Variants in KCNQ1 observed in about 807,000 individuals in gnomAD.
The protein encoded by KCNQ1 is potassium voltage-gated channel subfamily Q member 1, also known as potassium voltage-gated channel subfamily KQT member 1.
In KCNQ1, 49 loss-of-function variants were observed where a neutral mutation model predicts 72.4. The ratio of observed to expected loss-of-function variants is 0.68; its 90% CI spans 0.54 to 0.86. The LOEUF (loss-of-function observed/expected upper bound fraction) is 0.86, where lower values mean the gene tolerates loss of function less well. Ranked by LOEUF, KCNQ1 falls within the 40% of genes least tolerant of loss-of-function variation. The pLI, the probability that KCNQ1 is intolerant of heterozygous loss-of-function variation, is 0.00. For synonymous variants in KCNQ1, 450 were observed against 412.6 expected (o/e 1.09, Z -1.10); for missense variants, 790 against 945.1 (o/e 0.84, Z 2.15).
intron 2 of KCNQ1, among the ~76,000 whole-genome samples, chr11:2,552,768 C>G (rs1848002711): frequency 6.6e-6 from 1 of 152,088 alleles, no homozygotes; most frequent in Non-Finnish European, 1.5e-5. Flanking sequence ...TCTCGCTCCC[C>G]AGTGCCTCAT....
intron 15 of KCNQ1, among the ~76,000 whole-genome samples, chr11:2,791,574 G>C (rs1847023197): frequency 6.6e-6 from 1 of 152,200 alleles, no homozygotes; most frequent in African/African-American, 2.4e-5. Flanking sequence ...GTGCCGGCTG[G>C]GCTGGGAAAC....
intron 11 of KCNQ1, chr11:2,666,960 GCCCT>G (rs1398492143): frequency 5.0e-6 from 2 of 398,614 alleles, no homozygotes; most frequent in South Asian, 2.5e-4. Flanking sequence ...TGCCAAGGAA[GCCCT>G]CTGGGGGCCC....
At chr11:2,489,847 T>C (rs183156651) in intron 1 of KCNQ1, among the ~76,000 whole-genome samples, 233 of 152,310 alleles carry the variant, frequency 1.5e-3, no homozygotes, top group African/African-American at 4.7e-3. Flanking sequence ...TAAAGAGCCC[T>C]TGGACCCTGA....
At chr11:2,795,743 TC>T (rs1564896031) in intron 15 of KCNQ1, among the ~76,000 whole-genome samples, 1 of 152,232 alleles carries the variant, frequency 6.6e-6, no homozygotes, top group East Asian at 1.9e-4. Flanking sequence ...ACAATATTTT[TC>T]TGCTCCACAA....
chr11:2,453,676 CTG>C (rs1335035484), intron 1 of KCNQ1, among the ~76,000 whole-genome samples: 1 of 152,206 alleles, frequency 6.6e-6, no homozygotes, highest in Non-Finnish European at 1.5e-5. Context: ...AGGGTAGACT[CTG>C]TGAGGAAGGG....
In KCNQ1 at chr11:2,695,090, C is replaced by G. The variant is rs1479360959; in HGVS notation, c.1514+33009C>G. 1 of 398,508 alleles carries G rather than the reference C, an allele frequency of 2.5e-6. No individual in the cohort carries two copies. The highest frequency in any genetic ancestry group is 4.4e-6 in the Non-Finnish European group (1 of 226,100). The allele number at this position is 398,508 out of a possible 1,614,324, so 24.7% of individuals were successfully genotyped here. A position where few individuals can be genotyped will look rare whatever the true frequency, so the allele number is the denominator to read the frequency against. ...GAATTTTATTTCCTAGAAATAGAAGCCACTAGAGGGTATCTGGCAGGAGAG... is the reference window on the plus strand; with the variant it reads ...GAATTTTATTTCCTAGAAATAGAAGGCACTAGAGGGTATCTGGCAGGAGAG... On this transcript the variant is annotated intron_variant, in intron 11 of 15. Transcript: ENST00000155840. The surrounding 1 kb of genome is among the most constrained non-coding windows in gnomAD (Gnocchi z 5.2).
At chr11:2,684,988 G>T (rs1850459390) in intron 11 of KCNQ1, 1 of 398,540 alleles carries the variant, frequency 2.5e-6, no homozygotes, top group Admixed American at 4.4e-5. Flanking sequence ...TTACGGACTG[G>T]TTGCTTTTCA....
rs570009099 is a variant in KCNQ1 at position 2,623,670 on chromosome 11, T to G, written c.1393+34816T>G. ...ACTACAGTTTATCTGTCTACTCACC[T>G]ATGGAAGGACATCTCGGTTGCTTCC... On this transcript the variant is annotated intron_variant, in intron 10 of 15. Coordinates refer to ENST00000155840, the MANE Select transcript of KCNQ1 (RefSeq NM_000218.3). The surrounding 1 kb of genome is among the most constrained non-coding windows in gnomAD (Gnocchi z 5.2). The G allele has an allele frequency of 1.6e-4, 63 of 398,594 alleles. 1 individual carries two copies. The Admixed American group carries it at 2.0e-3, about 13-fold the overall frequency. 24.7% of individuals were successfully genotyped at this position (398,594 alleles called of 1,614,324 possible).
rs144985256 is a variant in KCNQ1 at position 2,588,793 on chromosome 11, G to A, written c.1332G>A (p.Thr444=). 171 of 1,613,310 alleles carry A rather than the reference G, an allele frequency of 1.1e-4. No individual in the cohort carries two copies. In the African/African-American group the frequency reaches 1.3e-3, roughly 12 times the overall value. ...GEKMLTVPHI[T]CDPPEERRLD... is the part of the protein sequence containing the mutation. ...AGATGCTCACAGTCCCCCATATCAC[G>A]TGCGACCCCCCAGAAGAGCGGCGGC... The change falls in exon 10 of 16, where the codon ACG becomes ACA. Residue 444 remains threonine (T), a synonymous_variant. Coordinates refer to ENST00000155840, the MANE Select transcript of KCNQ1 (RefSeq NM_000218.3). This position sits in a 1 kb window ranked among gnomAD's most constrained non-coding sequence, Gnocchi z 5.6.
chr11:2,813,755 C>T lies in KCNQ1; in HGVS notation c.1795-34012C>T, dbSNP rs991468579. Among the ~76,000 whole-genome samples the T allele has an allele frequency of 6.6e-6, 1 of 152,078 alleles. No homozygotes were observed. The highest frequency in any genetic ancestry group is 1.5e-5 in the Non-Finnish European group (1 of 68,022). ...GCAAGATACACAGGAGGCAGCTGCT[C>T]ACTGCTTGTGGAAAGAATGAGGGCG... On this transcript the variant is annotated intron_variant, in intron 15 of 15. Coordinates refer to ENST00000155840, the MANE Select transcript of KCNQ1 (RefSeq NM_000218.3). The surrounding 1 kb of genome is among the most constrained non-coding windows in gnomAD (Gnocchi z 4.4).
chr11:2,627,993 C>T lies in KCNQ1; in HGVS notation c.1394-33968C>T, dbSNP rs1039330107. 1 of 398,474 alleles carries T rather than the reference C, an allele frequency of 2.5e-6. No individual in the cohort carries two copies. Among genetic ancestry groups the T allele is most frequent in the Admixed American group, 4.4e-5 (1 of 22,700 alleles). The allele number at this position is 398,474 out of a possible 1,614,324, so 24.7% of individuals were successfully genotyped here. ...TCTCAAACTCCTGTGTTCAAGCTAT[C>T]CTTCACCTTGGCCACCCCCAAGTAC... On this transcript the variant is annotated intron_variant, in intron 10 of 15. Transcript: ENST00000155840. The surrounding 1 kb of genome is among the most constrained non-coding windows in gnomAD (Gnocchi z 4.9).
intron 1 of KCNQ1, among the ~76,000 whole-genome samples, chr11:2,510,895 G>A (rs1847189523): frequency 6.6e-6 from 1 of 152,118 alleles, no homozygotes; most frequent in Non-Finnish European, 1.5e-5. Flanking sequence ...CATGCCTCAG[G>A]GCTTCTGCAC....
chr11:2,505,944 T>C (rs1218990220), intron 1 of KCNQ1, among the ~76,000 whole-genome samples: 1 of 152,226 alleles, frequency 6.6e-6, no homozygotes, highest in Non-Finnish European at 1.5e-5. Flanking sequence ...ACTGCCGATA[T>C]CACCTTTTGA....
chr11:2,584,941 G>C (rs903297819), intron 7 of KCNQ1, among the ~76,000 whole-genome samples: 8 of 152,290 alleles, frequency 5.3e-5, no homozygotes, highest in Admixed American at 5.2e-4. Context: ...CAGCCCACCT[G>C]GCCCCCAGAA....
chr11:2,609,620 T>C (rs931353177), intron 10 of KCNQ1: 8 of 398,320 alleles, frequency 2.0e-5, no homozygotes, highest in African/African-American at 1.6e-4. Flanking sequence ...AAGTGGAGTG[T>C]TGAAGTCTCC....
rs1206987017 is a variant in KCNQ1 at position 2,704,833 on chromosome 11, C to A, written c.1514+42752C>A. On this transcript the variant is annotated intron_variant, in intron 11 of 15. Coordinates refer to ENST00000155840, the MANE Select transcript of KCNQ1 (RefSeq NM_000218.3). This position sits in a 1 kb window ranked among gnomAD's most constrained non-coding sequence, Gnocchi z 4.3. ...ATCCAACAGGGGTAGCAGCCTAGTG[C>A]ATGTATGACCACGAGCGAGCCCAAG... is the stretch of plus-strand genomic sequence containing the variant. Among the ~76,000 whole-genome samples, 1 of 152,114 alleles carries A rather than the reference C, an allele frequency of 6.6e-6. No homozygotes were observed. Among genetic ancestry groups the A allele is most frequent in the Admixed American group, 6.5e-5 (1 of 15,284 alleles).
chr11:2,695,447 C>G lies in KCNQ1; in HGVS notation c.1514+33366C>G, dbSNP rs1850657638. On this transcript the variant is annotated intron_variant, in intron 11 of 15. Transcript: ENST00000155840. This position sits in a 1 kb window ranked among gnomAD's most constrained non-coding sequence, Gnocchi z 5.2. ...CCCTCTTTCTGTTTGGCATTTGTGT[C>G]ACTCAGCACTGTGTTTCCACGCGTC... 2.5e-6 allele frequency: 1 copy of G among 398,594 alleles called. No individual in the cohort carries two copies. The highest frequency in any genetic ancestry group is 2.1e-5 in the African/African-American group (1 of 48,716). 24.7% of individuals were successfully genotyped at this position (398,594 alleles called of 1,614,324 possible). A position where few individuals can be genotyped will look rare whatever the true frequency, so the allele number is the denominator to read the frequency against.
intron 11 of KCNQ1, among the ~76,000 whole-genome samples, chr11:2,709,267 C>CT (rs1009574452): frequency 2.4e-5 from 3 of 122,972 alleles, no homozygotes; most frequent in Non-Finnish European, 4.8e-5. Flanking sequence ...GGACTTCTGG[C>CT]TCCCTGTTCC....
intron 15 of KCNQ1, among the ~76,000 whole-genome samples, chr11:2,837,820 A>G (rs1190467907): frequency 6.6e-6 from 1 of 152,214 alleles, no homozygotes; most frequent in East Asian, 1.9e-4. Context: ...TGGGGCGAGA[A>G]GGGCGGCGCC....
Sources: allele counts gnomAD v4.1 joint callset (sites outside exome capture counted in the v4.1 genomes callset), GRCh38; gene constraint gnomAD v4.1.1; non-coding constraint Gnocchi (gnomAD v3.1); transcripts MANE v1.5; gene names NCBI Gene and HGNC (gene_info 2026-07-23, HGNC 2026-07-21).